EVI2B: variants seen among roughly 807,000 people sequenced by gnomAD.
EVI2B encodes ecotropic viral integration site 2B.
A neutral mutation model predicts 6.6 loss-of-function variants in EVI2B; 4 were observed. The observed-to-expected ratio is 0.61, with a 90% CI of 0.30 to 1.39. The LOEUF is 1.39. Ranked by LOEUF, EVI2B falls within the 40% of genes most tolerant of loss-of-function variation. The pLI is 0.08. For missense variants in EVI2B, 484 were observed against 516.6 expected (o/e 0.94, Z 0.61); for synonymous variants, 181 against 186.8 (o/e 0.97, Z 0.25).
chr17:31,303,976 G>T lies in EVI2B; in HGVS notation c.*287C>A. 1 of 248,362 alleles carries T rather than the reference G, an allele frequency of 4.0e-6. No homozygotes were observed. 15.4% of individuals were successfully genotyped at this position (248,362 alleles called of 1,614,324 possible). A position where few individuals can be genotyped will look rare whatever the true frequency, so the allele number is the denominator to read the frequency against. ...GAAAAAAAACTGTACTGGGTAATAA[G>T]TATATGTAGATTGTTTCAGAGTTCT... On this transcript the variant is annotated 3_prime_UTR_variant, in exon 2 of 2. Transcript: ENST00000330927.
intron 1 of EVI2B, among the ~76,000 whole-genome samples, chr17:31,308,675 T>C (rs1364515846): frequency 6.6e-6 from 1 of 152,140 alleles, no homozygotes; most frequent in Admixed American, 6.6e-5. Flanking sequence ...CCTCTTCCCC[T>C]TTCTGGCTGC....
At chr17:31,309,322 A>G (rs2068808851) in intron 1 of EVI2B, among the ~76,000 whole-genome samples, 1 of 152,202 alleles carries the variant, frequency 6.6e-6, no homozygotes, top group South Asian at 2.1e-4. Flanking sequence ...GCTTTTTACT[A>G]GTACTTCTAC....
intron 1 of EVI2B, 103 bp downstream of exon 1, chr17:31,313,876 A>G (rs9898921): frequency 7.6e-6 from 3 of 393,036 alleles, no homozygotes; most frequent in African/African-American, 2.1e-5. Context: ...TGTTATAGAC[A>G]TCTTTAGACT....
Position 31,304,733 on chromosome 17 carries a change from C to A in EVI2B, c.877G>T (p.Glu293Ter). 1 of 1,614,140 alleles carries A rather than the reference C, an allele frequency of 6.2e-7. No homozygotes were observed. Among genetic ancestry groups the A allele is most frequent in the South Asian group, 1.1e-5 (1 of 91,076 alleles). ...GAGTCTTCAATGTTTTCACTTGATT[C>A]AAACAACTTAATTTCTAAGTCATCT... ...LADDLEIKLF[E>*]SSENIEDSNN... Residue 293 changes from glutamate (E) to a stop codon, truncating the protein, a stop_gained, in exon 2 of 2, where the codon GAA becomes TAA. Coordinates refer to ENST00000330927, the MANE Select transcript of EVI2B (RefSeq NM_006495.4). LOFTEE classifies it high-confidence loss of function.
chr17:31,312,306 T>G (rs1051483876), intron 1 of EVI2B, among the ~76,000 whole-genome samples: 1 of 151,904 alleles, frequency 6.6e-6, no homozygotes, highest in Middle Eastern at 3.2e-3. Flanking sequence ...GGTCAGGAGT[T>G]GAAGACCAGC....
At chr17:31,313,399 C>A in intron 1 of EVI2B, among the ~76,000 whole-genome samples, 1 of 151,988 alleles carries the variant, frequency 6.6e-6, no homozygotes, top group Middle Eastern at 3.2e-3. Context: ...AATTCTAAAA[C>A]TAAGGTTAAC....
At chr17:31,309,796 A>G in intron 1 of EVI2B, among the ~76,000 whole-genome samples, 1 of 152,200 alleles carries the variant, frequency 6.6e-6, no homozygotes, top group East Asian at 1.9e-4. Context: ...TACTGTCAGT[A>G]GTAAGCTGGT....
rs1427115399 is a variant in EVI2B at position 31,304,922 on chromosome 17, T to G, written c.688A>C (p.Lys230Gln). Residue 230 changes from lysine to glutamine, a missense_variant, in exon 2 of 2, where the codon AAA (lysine) becomes CAA (glutamine). Coordinates refer to ENST00000330927, the MANE Select transcript of EVI2B (RefSeq NM_006495.4). ...IIIVLWKCLR[K>Q]PVLNDQNWAG... ...CAATTTTGATCATTTAAAACTGGTT[T>G]CCTTAAGCATTTCCAAAGTACAATG... 6.2e-7 allele frequency: 1 copy of G among 1,614,168 alleles called. No individual in the cohort carries two copies. The highest frequency in any genetic ancestry group is 1.7e-5 in the Admixed American group (1 of 60,026).
intron 1 of EVI2B, among the ~76,000 whole-genome samples, chr17:31,310,145 G>GTACC (rs747315808): frequency 3.9e-4 from 60 of 152,264 alleles, no homozygotes; most frequent in Middle Eastern, 3.4e-3. Flanking sequence ...TAAGTGGTGT[G>GTACC]TACCTGAAGT....
chr17:31,305,454 T>TGTTG lies in EVI2B; in HGVS notation c.152_155dup (p.Gly53AsnfsTer39). 6.2e-7 allele frequency: 1 copy of TGTTG among 1,614,184 alleles called. No individual in the cohort carries two copies. Among genetic ancestry groups the TGTTG allele is most frequent in the Non-Finnish European group, 8.5e-7 (1 of 1,180,028 alleles). ...GTGTTGGTTGACCCAAAGGATTCCC[T>TGTTG]GTTGTGTTTTGAGAATTAGCCAATA... is the stretch of plus-strand genomic sequence containing the variant. On this transcript the variant is annotated frameshift_variant, in exon 2 of 2. Coordinates refer to ENST00000330927, the MANE Select transcript of EVI2B (RefSeq NM_006495.4). LOFTEE classifies it low-confidence loss of function (END_TRUNC).
At position 31,305,613 on chromosome 17, in the gene EVI2B, A is replaced by T; in HGVS notation, c.-4T>A. On this transcript the variant is annotated 5_prime_UTR_variant, in exon 2 of 2. Coordinates refer to ENST00000330927, the MANE Select transcript of EVI2B (RefSeq NM_006495.4). ...AGATGAAATATTTGGGATCCATTTC[A>T]GAATATTTCCTCGTTATCTATAGCG... 1 of 1,609,380 alleles carries T rather than the reference A, an allele frequency of 6.2e-7. No homozygotes were observed. Among genetic ancestry groups the T allele is most frequent in the Non-Finnish European group, 8.5e-7 (1 of 1,177,224 alleles).
At position 31,305,579 on chromosome 17, in the gene EVI2B, A is replaced by G; in HGVS notation, c.31T>C (p.Phe11Leu). ...AATGTATTGTTCAGGTGTCCACAAAACAAAATTAAGATGAAATATTTGGGA... is the reference window on the plus strand; with the variant it reads ...AATGTATTGTTCAGGTGTCCACAAAGCAAAATTAAGATGAAATATTTGGGA... MDPKYFILILFCGHLNNTFFS... is the reference protein window; with the variant it reads MDPKYFILILLCGHLNNTFFS... Residue 11 changes from phenylalanine to leucine, a missense_variant, in exon 2 of 2, where the codon TTT (phenylalanine) becomes CTT (leucine). Coordinates refer to ENST00000330927, the MANE Select transcript of EVI2B (RefSeq NM_006495.4). 6.2e-7 allele frequency: 1 copy of G among 1,613,400 alleles called. No homozygotes were observed. Among genetic ancestry groups the G allele is most frequent in the Non-Finnish European group, 8.5e-7 (1 of 1,179,728 alleles).
chr17:31,308,499 A>G (rs1310452009), intron 1 of EVI2B, among the ~76,000 whole-genome samples: 1 of 152,198 alleles, frequency 6.6e-6, no homozygotes, highest in Non-Finnish European at 1.5e-5. Context: ...TAACCAGTCC[A>G]GATTCACGTA....
At chr17:31,311,038 C>A (rs1276331844) in intron 1 of EVI2B, among the ~76,000 whole-genome samples, 1 of 151,274 alleles carries the variant, frequency 6.6e-6, no homozygotes, top group Non-Finnish European at 1.5e-5. Flanking sequence ...CCTCTGCCTC[C>A]TGGGCTCAAG....
intron 1 of EVI2B, among the ~76,000 whole-genome samples, chr17:31,309,685 G>A (rs1481819000): frequency 6.6e-6 from 1 of 152,104 alleles, no homozygotes; most frequent in Non-Finnish European, 1.5e-5. Context: ...CCTCTTTTCA[G>A]TTAGCTGAAA....
At position 31,305,281 on chromosome 17, in the gene EVI2B, G is replaced by C. The variant is rs770379408; in HGVS notation, c.329C>G (p.Thr110Arg). The C allele has an allele frequency of 6.2e-7, 1 of 1,614,132 alleles. No individual in the cohort carries two copies. Among genetic ancestry groups the C allele is most frequent in the South Asian group, 1.1e-5 (1 of 91,070 alleles). The change falls in exon 2 of 2, where the codon ACA becomes AGA. Residue 110 changes from threonine to arginine, a missense_variant. Coordinates refer to ENST00000330927, the MANE Select transcript of EVI2B (RefSeq NM_006495.4). ...QPLAYNTKQP[T>R]PIANTSSQQA... ...CTGGGAGGAGGTGTTGGCTATTGGTGTTGGTTGTTTGGTGTTGTAGGCAAG... is the reference window on the plus strand; with the variant it reads ...CTGGGAGGAGGTGTTGGCTATTGGTCTTGGTTGTTTGGTGTTGTAGGCAAG...
rs553011387 is a variant in EVI2B at position 31,309,670 on chromosome 17, C to T, written c.-21-4040G>A. On this transcript the variant is annotated intron_variant, in intron 1 of 1. Coordinates refer to ENST00000330927, the MANE Select transcript of EVI2B (RefSeq NM_006495.4). ...CTTTGCTTAAAATAAGGAAACCATA[C>T]GGTTCCTCTTTTCAGTTAGCTGAAA... Among the ~76,000 whole-genome samples, 20 of 152,282 alleles carry T rather than the reference C, an allele frequency of 1.3e-4. No individual in the cohort carries two copies. The South Asian group carries it at 1.9e-3, about 14-fold the overall frequency.
chr17:31,304,783 T>C lies in EVI2B; in HGVS notation c.827A>G (p.Lys276Arg). ...RTSIISLTPW[K>R]PSKSTLLADD... ...TGCTAAAAGTGTGCTTTTGCTTGGTTTCCAGGGTGTAAGTGAAATGATTGA... is the reference window on the plus strand; with the variant it reads ...TGCTAAAAGTGTGCTTTTGCTTGGTCTCCAGGGTGTAAGTGAAATGATTGA... The change falls in exon 2 of 2, where the codon AAA becomes AGA. Residue 276 changes from lysine to arginine, a missense_variant. Lys to Arg is a conservative substitution (Grantham distance 26, BLOSUM62 2). Transcript: ENST00000330927. The C allele has an allele frequency of 6.2e-7, 1 of 1,614,108 alleles. No homozygotes were observed. The highest frequency in any genetic ancestry group is 8.5e-7 in the Non-Finnish European group (1 of 1,180,024).
At position 31,304,709 on chromosome 17, in the gene EVI2B, A is replaced by T. The variant is rs1041865108; in HGVS notation, c.901T>A (p.Ser301Thr). 6.2e-7 allele frequency: 1 copy of T among 1,614,174 alleles called. No homozygotes were observed. ...LFESSENIED[S>T]NNPKTEKIKD... ...ATTTTCTCTGTTTTGGGGTTGTTGGAGTCTTCAATGTTTTCACTTGATTCA... is the reference window on the plus strand; with the variant it reads ...ATTTTCTCTGTTTTGGGGTTGTTGGTGTCTTCAATGTTTTCACTTGATTCA... The change falls in exon 2 of 2, where the codon TCC becomes ACC. Residue 301 changes from serine (S) to threonine (T), a missense_variant. By Grantham distance (58) the Ser-to-Thr change is moderately conservative. Transcript: ENST00000330927.
Sources: gnomAD v4.1 joint callset for allele counts (sites outside exome capture counted in the v4.1 genomes callset) on GRCh38, gnomAD v4.1.1 for gene constraint, MANE v1.5 for transcripts, NCBI Gene and HGNC (gene_info 2026-07-23, HGNC 2026-07-21) for gene names.